Variants in LMO7 observed in about 807,000 individuals in gnomAD.
The protein encoded by LMO7 is LIM domain only protein 7.
A neutral mutation model predicts 206.5 loss-of-function variants in LMO7; 120 were observed. The ratio of observed to expected loss-of-function variants is 0.58; its 90% CI spans 0.50 to 0.68. The LOEUF is 0.68. Among genes scored for constraint, LMO7 ranks in the 30% least tolerant of loss-of-function variants. LMO7 has a pLI of 0.00. For synonymous variants in LMO7, 706 were observed against 681.5 expected, an observed-to-expected ratio of 1.04 and a Z score of -0.56; for missense variants, 1,959 against 1,957.9, an observed-to-expected ratio of 1.00 and a Z score of -0.01.
intron 1 of LMO7, among the ~76,000 whole-genome samples, chr13:75,697,258 A>T (rs1460243961): frequency 6.6e-6 from 1 of 152,210 alleles, no homozygotes; most frequent in Non-Finnish European, 1.5e-5. Context: ...GTGGTGTATT[A>T]GTCCATTCTC....
At chr13:75,790,907 A>G (rs2053184836) in intron 4 of LMO7, among the ~76,000 whole-genome samples, 1 of 152,088 alleles carries the variant, frequency 6.6e-6, no homozygotes, top group Non-Finnish European at 1.5e-5. Flanking sequence ...TGTATGATCC[A>G]AGTATAGAGT....
chr13:75,713,583 A>G lies in LMO7; in HGVS notation c.140+331A>G, dbSNP rs75129281. 8.6e-3 allele frequency among the ~76,000 whole-genome samples: 1,316 copies of G among 152,340 alleles called. 18 individuals carry two copies. The highest frequency in any genetic ancestry group is 0.031 in the African/African-American group (1,269 of 41,576). On this transcript the variant is annotated intron_variant, in intron 2 of 30. Coordinates refer to ENST00000377534, the MANE Select transcript of LMO7 (RefSeq NM_001306080.2). ...TGTTACCATTGATCTCTTAGTCTGA[A>G]TATTCTAATGGGTAGAATTGCCTGG...
chr13:75,761,146 G>C (rs2048173235), intron 4 of LMO7, 108 bp downstream of exon 4: 2 of 709,260 alleles, frequency 2.8e-6, no homozygotes, highest in South Asian at 4.7e-5. Flanking sequence ...AAATTCTTCT[G>C]TTCTCTCTGT....
rs903130041 is a variant in LMO7 at position 75,804,879 on chromosome 13, A to C, written c.914+338A>C. 19 of 1,029,364 alleles carry C rather than the reference A, an allele frequency of 1.8e-5. No individual in the cohort carries two copies. The African/African-American group carries it at 3.3e-4, about 18-fold the overall frequency. The allele number at this position is 1,029,364 out of a possible 1,614,324, so 63.8% of individuals were successfully genotyped here. Reference sequence around the variant, plus strand: ...GATTGATCTTAGTGGACATGAAAAGAATCCTTTAATTTCTCAGCAAATTAG... The same window carrying C: ...GATTGATCTTAGTGGACATGAAAAGCATCCTTTAATTTCTCAGCAAATTAG... On this transcript the variant is annotated intron_variant, in intron 8 of 30. Coordinates refer to ENST00000377534, the MANE Select transcript of LMO7 (RefSeq NM_001306080.2).
At chr13:75,722,466 G>A (rs1224229834) in intron 2 of LMO7, among the ~76,000 whole-genome samples, 2 of 152,060 alleles carry the variant, frequency 1.3e-5, no homozygotes, top group Non-Finnish European at 2.9e-5. Flanking sequence ...CTAATAATCA[G>A]GGAAATGCAA....
chr13:75,851,628 T>C (rs1372597842), intron 27 of LMO7, among the ~76,000 whole-genome samples: 1 of 152,216 alleles, frequency 6.6e-6, no homozygotes, highest in Non-Finnish European at 1.5e-5. Context: ...AAAATAAATG[T>C]GACTAGGTAG....
Position 75,807,656 on chromosome 13 carries a change from T to TGACAA in LMO7, c.1373_1374insGACAA (p.Glu459ThrfsTer38). The TGACAA allele has an allele frequency of 6.2e-7, 1 of 1,613,998 alleles. No individual in the cohort carries two copies. Among genetic ancestry groups the TGACAA allele is most frequent in the Non-Finnish European group, 8.5e-7 (1 of 1,179,880 alleles). On this transcript the variant is annotated frameshift_variant, in exon 10 of 31. Coordinates refer to ENST00000377534, the MANE Select transcript of LMO7 (RefSeq NM_001306080.2). LOFTEE classifies it high-confidence loss of function. ...GAGATGGCAGCCCTGGATCCTGACT[T>TGACAA]AGAGAATGATGATTTCTTTGTCAGA...
At chr13:75,843,000 C>A in intron 25 of LMO7, 84 bp downstream of exon 25, 1 of 868,824 alleles carries the variant, frequency 1.2e-6, no homozygotes, top group Non-Finnish European at 1.9e-6. Flanking sequence ...ATTTGTAGAA[C>A]TACTTTAGCC....
At chr13:75,723,538 C>A (rs1268831934) in intron 2 of LMO7, among the ~76,000 whole-genome samples, 1 of 152,186 alleles carries the variant, frequency 6.6e-6, no homozygotes, top group Non-Finnish European at 1.5e-5. Flanking sequence ...TTAGAACTAG[C>A]TTCTGGACAC....
At chr13:75,689,121 ATCT>A (rs2041251575) in intron 1 of LMO7, 2 of 152,210 alleles carry the variant, frequency 1.3e-5, no homozygotes, top group South Asian at 4.1e-4. Context: ...TCTGATCTTT[ATCT>A]TCCTCTAAGA....
chr13:75,810,903 A>AGCAGCAAAT (rs1466528772), intron 11 of LMO7, among the ~76,000 whole-genome samples: 2 of 152,260 alleles, frequency 1.3e-5, no homozygotes, highest in African/African-American at 2.4e-5. Context: ...TAGAGCTAAC[A>AGCAGCAAAT]GCAGCAAATG....
intron 4 of LMO7, among the ~76,000 whole-genome samples, chr13:75,781,701 A>G (rs1458137111): frequency 6.6e-6 from 1 of 151,326 alleles, no homozygotes; most frequent in Non-Finnish European, 1.5e-5. Flanking sequence ...AGGAATCGCC[A>G]CACTGACTTC....
Position 75,857,990 on chromosome 13 carries a change from GTTGC to G in LMO7, c.*49_*52del. 6.2e-7 allele frequency: 1 copy of G among 1,606,044 alleles called. No homozygotes were observed. Among genetic ancestry groups the G allele is most frequent in the African/African-American group, 1.3e-5 (1 of 74,488 alleles). On this transcript the variant is annotated 3_prime_UTR_variant, in exon 31 of 31. Coordinates refer to ENST00000377534, the MANE Select transcript of LMO7 (RefSeq NM_001306080.2). ...ACTGTTGCAGATAGAAGAAGAGGTG[GTTGC>G]TGCTCATGTAGATCTATAAATATGT... is the stretch of plus-strand genomic sequence containing the variant.
At chr13:75,666,311 C>T (rs2039070281) in intron 1 of LMO7, among the ~76,000 whole-genome samples, 1 of 152,208 alleles carries the variant, frequency 6.6e-6, no homozygotes, top group Admixed American at 6.5e-5. Flanking sequence ...CAACCTCTGG[C>T]ATAAATGGAT....
intron 25 of LMO7, among the ~76,000 whole-genome samples, chr13:75,844,983 G>A (rs2059873531): frequency 6.6e-6 from 1 of 152,168 alleles, no homozygotes; most frequent in South Asian, 2.1e-4. Context: ...TGATCTGATG[G>A]CAGATGGTTT....
intron 30 of LMO7, 48 bp from the exon 31 acceptor site, chr13:75,857,873 C>T (rs997760971): frequency 8.6e-6 from 12 of 1,389,350 alleles, no homozygotes; most frequent in Admixed American, 2.0e-5. Flanking sequence ...GCAATATTCA[C>T]GTTTCTGAAT....
exon 1 of LMO7, chr13:75,621,812 A>G (rs1363037774): frequency 6.2e-7 from 1 of 1,612,302 alleles, no homozygotes; most frequent in South Asian, 1.1e-5. Flanking sequence ...ATATGTGCTC[A>G]TGTCTGCATC....
At position 75,805,613 on chromosome 13, in the gene LMO7, A is replaced by T; in HGVS notation, c.1049A>T (p.Tyr350Phe). ...CCCAACATTGTAAAGGATGATCTTT[A>T]TGTGCGCAAGCTCAGTCCAGTCATG... ...SIPNIVKDDLYVRKLSPVMPN... is the reference protein window; with the variant it reads ...SIPNIVKDDLFVRKLSPVMPN... The change falls in exon 9 of 31, where the codon TAT becomes TTT. Residue 350 changes from tyrosine to phenylalanine, a missense_variant. Tyr to Phe is a conservative substitution (Grantham distance 22). Transcript: ENST00000377534. 6.2e-7 allele frequency: 1 copy of T among 1,614,092 alleles called. No homozygotes were observed. The highest frequency in any genetic ancestry group is 8.5e-7 in the Non-Finnish European group (1 of 1,179,904).
intron 4 of LMO7, among the ~76,000 whole-genome samples, chr13:75,768,654 G>A (rs758946875): frequency 6.6e-6 from 1 of 151,912 alleles, no homozygotes; most frequent in Admixed American, 6.6e-5. Flanking sequence ...TTTTATTGTC[G>A]TTCCATTTTT....
Sources: allele counts gnomAD v4.1 joint callset (sites outside exome capture counted in the v4.1 genomes callset), GRCh38; gene constraint gnomAD v4.1.1; transcripts MANE v1.5; gene names NCBI Gene and HGNC (gene_info 2026-07-23, HGNC 2026-07-21).